The following ABCC4 variants were observed in gnomAD, a reference collection of about 807,000 sequenced individuals.
The protein encoded by ABCC4 is ATP-binding cassette sub-family C member 4.
A neutral mutation model predicts 168.5 loss-of-function variants in ABCC4; 102 were observed. That is an observed-to-expected ratio of 0.61 (90% confidence interval 0.52 to 0.71). ABCC4 has a LOEUF of 0.71. Among genes scored for constraint, ABCC4 ranks in the 30% least tolerant of loss-of-function variants. The pLI is 0.00. For missense variants in ABCC4, 1,402 were observed against 1,605.8 expected, an observed-to-expected ratio of 0.87 and a Z score of 2.17; for synonymous variants, 617 against 590.7, an observed-to-expected ratio of 1.04 and a Z score of -0.65.
At chr13:95,207,769 A>G in intron 7 of ABCC4, 31 bp downstream of exon 7, 1 of 1,590,322 alleles carries the variant, frequency 6.3e-7, no homozygotes, top group Non-Finnish European at 8.5e-7. Flanking sequence ...GAAAAATACA[A>G]AAATATGGTA....
chr13:95,114,303 G>A (rs2035299453), intron 20 of ABCC4, among the ~76,000 whole-genome samples: 1 of 152,084 alleles, frequency 6.6e-6, no homozygotes, highest in Non-Finnish European at 1.5e-5. Flanking sequence ...GTGAGACAAA[G>A]CACATAAGGG....
In ABCC4 at chr13:95,209,457, A is replaced by C. The variant is rs750336504; in HGVS notation, c.762T>G (p.Phe254Leu). The change falls in exon 6 of 31, where the codon TTT becomes TTG. Residue 254 changes from phenylalanine (F) to leucine (L), a missense_variant. Phe to Leu is a conservative substitution (Grantham distance 22, BLOSUM62 0). This residue lies in a region of ABCC4 where 317 missense variants were observed against 345.5 expected (regional missense o/e 0.92). Transcript: ENST00000645237. ...ACCTCAGTGATGAGAACAACTTCCC[A>C]AAACAGCTTTGCAAGGGCAGGAGAA... ...LIILLPLQSC[F>L]GKLFSSLRSK... 6.8e-6 allele frequency: 11 copies of C among 1,614,182 alleles called. No homozygotes were observed. The highest frequency in any genetic ancestry group is 9.3e-6 in the Non-Finnish European group (11 of 1,179,988).
Position 95,044,380 on chromosome 13 carries a change from T to C in ABCC4, c.3515A>G (p.Glu1172Gly). ...TCCAACACTAAAATTGGATCCTGAT[T>C]CTGCTAATTCAGTATCCATTTTACC... ...LPGKMDTELA[E>G]SGSNFSVGQR... is the part of the protein sequence containing the mutation. The change falls in exon 28 of 31, where the codon GAA becomes GGA. Residue 1172 changes from glutamate to glycine, a missense_variant. By Grantham distance (98) the Glu-to-Gly change is moderately conservative. Coordinates refer to ENST00000645237, the MANE Select transcript of ABCC4 (RefSeq NM_005845.5). The C allele has an allele frequency of 6.2e-7, 1 of 1,613,874 alleles. No individual in the cohort carries two copies. Among genetic ancestry groups the C allele is most frequent in the Non-Finnish European group, 8.5e-7 (1 of 1,179,908 alleles).
At chr13:95,137,108 C>T (rs1352915892) in intron 19 of ABCC4, among the ~76,000 whole-genome samples, 5 of 152,324 alleles carry the variant, frequency 3.3e-5, no homozygotes, top group East Asian at 1.9e-4. Flanking sequence ...TGTCCCCTAC[C>T]GGATCCACCC....
intron 1 of ABCC4, among the ~76,000 whole-genome samples, chr13:95,290,526 G>A (rs2041370625): frequency 6.6e-6 from 1 of 151,886 alleles, no homozygotes; most frequent in African/African-American, 2.4e-5. Flanking sequence ...CCAACATGGT[G>A]AAACCCTATC....
Position 95,206,659 on chromosome 13 carries a change from A to G in ABCC4, c.1034T>C (p.Val345Ala), listed in dbSNP as rs2038790617. The G allele has an allele frequency of 6.2e-7, 1 of 1,614,076 alleles. No individual in the cohort carries two copies. The highest frequency in any genetic ancestry group is 1.3e-5 in the African/African-American group (1 of 74,922). ...TFTTYVLLGS[V>A]ITASRVFVAV... is the part of the protein sequence containing the mutation. ...CACGAACACGCGGCTGGCTGTGATCACACTGCCGAGGAGCACGTAGGTGGT... is the reference window on the plus strand; with the variant it reads ...CACGAACACGCGGCTGGCTGTGATCGCACTGCCGAGGAGCACGTAGGTGGT... Residue 345 changes from valine to alanine, a missense_variant, in exon 8 of 31, where the codon GTG (valine) becomes GCG (alanine). Val to Ala is a moderately conservative substitution (Grantham distance 64). Coordinates refer to ENST00000645237, the MANE Select transcript of ABCC4 (RefSeq NM_005845.5).
chr13:95,048,786 GA>G (rs1304906571), intron 27 of ABCC4, among the ~76,000 whole-genome samples: 26 of 152,190 alleles, frequency 1.7e-4, no homozygotes, highest in Admixed American at 1.5e-3. Flanking sequence ...CTTAATTGTA[GA>G]TCCCAGTATT....
At chr13:95,076,559 C>A (rs570130031) in intron 21 of ABCC4, among the ~76,000 whole-genome samples, 2 of 150,934 alleles carry the variant, frequency 1.3e-5, no homozygotes, top group Non-Finnish European at 3.0e-5. Context: ...GACCTGCCCC[C>A]GTTCAAGCGA....
chr13:95,158,734 G>A (rs117460236), intron 19 of ABCC4, among the ~76,000 whole-genome samples: 340 of 151,956 alleles, frequency 2.2e-3, no homozygotes, highest in Non-Finnish European at 3.0e-3. Context: ...CTGAAAAATC[G>A]AGCATGCCTG....
chr13:95,168,766 C>T (rs2037369971), intron 14 of ABCC4, among the ~76,000 whole-genome samples: 1 of 152,190 alleles, frequency 6.6e-6, no homozygotes, highest in African/African-American at 2.4e-5. Context: ...CATGAAACCA[C>T]CGCTGGGCTG....
At chr13:95,222,680 C>T (rs2039341257) in intron 4 of ABCC4, among the ~76,000 whole-genome samples, 1 of 152,136 alleles carries the variant, frequency 6.6e-6, no homozygotes, top group African/African-American at 2.4e-5. Context: ...CTCACCAGAC[C>T]AGAGTGCGGA....
chr13:95,189,124 C>CT (rs61449462), intron 9 of ABCC4, among the ~76,000 whole-genome samples: 800 of 67,290 alleles, frequency 0.012, 89 homozygotes, highest in East Asian at 0.029. Context: ...AAACAATATT[C>CT]TTTTTTTTTT....
chr13:95,250,816 T>A (rs1228833962), intron 1 of ABCC4, among the ~76,000 whole-genome samples: 2 of 139,564 alleles, frequency 1.4e-5, no homozygotes, highest in Admixed American at 8.1e-5. Flanking sequence ...CCAGGCTGGA[T>A]GGAGTACAGT....
At chr13:95,052,359 CA>C in intron 27 of ABCC4, among the ~76,000 whole-genome samples, 1 of 152,174 alleles carries the variant, frequency 6.6e-6, no homozygotes, top group East Asian at 1.9e-4. Context: ...TGGTTTCTGC[CA>C]TCAAGTAGAC....
At chr13:95,195,826 G>T (rs527478904) in intron 8 of ABCC4, among the ~76,000 whole-genome samples, 3 of 152,038 alleles carry the variant, frequency 2.0e-5, no homozygotes, top group South Asian at 4.2e-4. Context: ...TGGAGACAGG[G>T]TTTCACCATG....
chr13:95,162,435 A>G (rs931255465), intron 18 of ABCC4, among the ~76,000 whole-genome samples: 2 of 152,236 alleles, frequency 1.3e-5, no homozygotes, highest in African/African-American at 2.4e-5. Context: ...TGCTACATAC[A>G]TTCTAAGCAC....
At chr13:95,096,691 A>C (rs2034610870) in intron 20 of ABCC4, among the ~76,000 whole-genome samples, 1 of 152,172 alleles carries the variant, frequency 6.6e-6, no homozygotes, top group Admixed American at 6.5e-5. Flanking sequence ...AAAACTGTCA[A>C]CCTAGAATCT....
chr13:95,095,607 G>A (rs1459138772), intron 20 of ABCC4, among the ~76,000 whole-genome samples: 1 of 152,064 alleles, frequency 6.6e-6, no homozygotes, highest in South Asian at 2.1e-4. Context: ...CTTGGGTGAT[G>A]GGTGCACCAA....
chr13:95,076,393 GA>G (rs1404433152), intron 21 of ABCC4, among the ~76,000 whole-genome samples: 5 of 152,196 alleles, frequency 3.3e-5, no homozygotes, highest in African/African-American at 1.2e-4. Flanking sequence ...AGAATTTTAA[GA>G]AGTGAATTCT....
Sources: allele counts gnomAD v4.1 joint callset (sites outside exome capture counted in the v4.1 genomes callset), GRCh38; gene constraint gnomAD v4.1.1; regional missense constraint gnomAD v4.1.1; transcripts MANE v1.5; gene names NCBI Gene and HGNC (gene_info 2026-07-23, HGNC 2026-07-21).